Variants in L3MBTL3 observed in about 807,000 individuals in gnomAD.
The protein encoded by L3MBTL3 is lethal(3)malignant brain tumor-like protein 3.
Under a neutral mutation model 102.3 loss-of-function variants are expected in L3MBTL3, and 27 were observed. The ratio of observed to expected loss-of-function variants is 0.26; its 90% CI spans 0.19 to 0.36. L3MBTL3 has a LOEUF of 0.36. Ranked by LOEUF, L3MBTL3 falls within the 10% of genes least tolerant of loss-of-function variation. The pLI is 1.00. For synonymous variants in L3MBTL3, 340 were observed against 320.9 expected (o/e 1.06, Z -0.64); for missense variants, 798 against 955.3 (o/e 0.84, Z 2.17).
chr6:130,048,061 A>G (rs1488793916), intron 3 of L3MBTL3, among the ~76,000 whole-genome samples: 1 of 152,186 alleles, frequency 6.6e-6, no homozygotes, highest in Non-Finnish European at 1.5e-5. Flanking sequence ...TGCATAGAAC[A>G]TTGTTTAAGG....
intron 2 of L3MBTL3, among the ~76,000 whole-genome samples, chr6:130,032,748 C>T (rs1004681055): frequency 7.2e-5 from 11 of 152,134 alleles, no homozygotes; most frequent in Non-Finnish European, 1.5e-4. Flanking sequence ...CCCTGCACTT[C>T]GGGAGGCCAA....
intron 18 of L3MBTL3, among the ~76,000 whole-genome samples, chr6:130,096,243 CCATAAATTAGT>C (rs1267239274): frequency 3.9e-5 from 6 of 152,156 alleles, no homozygotes; most frequent in Non-Finnish European, 5.9e-5. Context: ...AGACACTACT[CCATAAATTAGT>C]CACAGACCCA....
At position 130,086,808 on chromosome 6, in the gene L3MBTL3, G is replaced by A. The variant is rs553269745; in HGVS notation, c.1518+558G>A. Among the ~76,000 whole-genome samples the A allele has an allele frequency of 2.6e-5, 4 of 152,230 alleles. No individual in the cohort carries two copies. In the South Asian group the frequency reaches 8.3e-4, roughly 32 times the overall value. On this transcript the variant is annotated intron_variant, in intron 16 of 22. Transcript: ENST00000361794. ...GGAGTTCAGGAAAGGAGCCAGAAGAGCTCGTCTCTGTTTCTTACTTCAGCA... is the reference window on the plus strand; with the variant it reads ...GGAGTTCAGGAAAGGAGCCAGAAGAACTCGTCTCTGTTTCTTACTTCAGCA...
chr6:130,085,991 G>C (rs1783659409), intron 15 of L3MBTL3, 149 bp from the exon 16 acceptor site: 1 of 554,894 alleles, frequency 1.8e-6, no homozygotes, highest in Non-Finnish European at 3.2e-6. Context: ...GGCCTCAAGT[G>C]ATCCGCCCGC....
Position 130,060,023 on chromosome 6 carries a change from T to C in L3MBTL3, c.760-13T>C. The C allele has an allele frequency of 6.5e-7, 1 of 1,536,400 alleles. No homozygotes were observed. The highest frequency in any genetic ancestry group is 9.0e-7 in the Non-Finnish European group (1 of 1,109,722). On this transcript the variant is annotated splice_polypyrimidine_tract_variant and intron_variant, in intron 9 of 22. Coordinates refer to ENST00000361794, the MANE Select transcript of L3MBTL3 (RefSeq NM_032438.4). ...GGATAAGGGACTAAAACTGCTCTCA[T>C]TTTGCATTTTAGCATCAATCCTTTC...
intron 1 of L3MBTL3, among the ~76,000 whole-genome samples, chr6:130,019,887 C>T (rs1294805380): frequency 7.2e-6 from 1 of 139,308 alleles, no homozygotes; most frequent in Admixed American, 7.0e-5. Flanking sequence ...GCGGGCCGGG[C>T]CGGGAGCCCG....
At chr6:130,046,098 A>AC (rs1296828930) in intron 3 of L3MBTL3, among the ~76,000 whole-genome samples, 1 of 152,194 alleles carries the variant, frequency 6.6e-6, no homozygotes, top group African/African-American at 2.4e-5. Context: ...CCCTACCTGA[A>AC]CTTCTAATGA....
chr6:130,100,063 A>G (rs1006690604), intron 18 of L3MBTL3, among the ~76,000 whole-genome samples: 4 of 152,236 alleles, frequency 2.6e-5, no homozygotes, highest in African/African-American at 9.6e-5. Flanking sequence ...GTTAAGAGAT[A>G]GCCACAGTTC....
chr6:130,049,155 A>G, intron 3 of L3MBTL3, 127 bp from the exon 4 acceptor site: 1 of 626,936 alleles, frequency 1.6e-6, no homozygotes, highest in Non-Finnish European at 2.8e-6. Flanking sequence ...GTATCAGGAT[A>G]TAATTGTCTA....
At chr6:130,084,319 G>A (rs1436871054) in intron 15 of L3MBTL3, among the ~76,000 whole-genome samples, 3 of 151,940 alleles carry the variant, frequency 2.0e-5, no homozygotes, top group Non-Finnish European at 4.4e-5. Context: ...TTATGATTTA[G>A]ATTTCTCATG....
intron 11 of L3MBTL3, among the ~76,000 whole-genome samples, chr6:130,068,059 A>G (rs1484411173): frequency 6.6e-6 from 1 of 152,206 alleles, no homozygotes; most frequent in Non-Finnish European, 1.5e-5. Context: ...AAATACCCTG[A>G]TAATAAGTGT....
chr6:130,069,689 A>T (rs1309811738), intron 12 of L3MBTL3, among the ~76,000 whole-genome samples: 1 of 152,178 alleles, frequency 6.6e-6, no homozygotes, highest in Non-Finnish European at 1.5e-5. Flanking sequence ...CAAGTTTCCT[A>T]ATCCCTGTCT....
Position 130,104,401 on chromosome 6 carries a change from T to C in L3MBTL3, c.1737-25T>C, listed in dbSNP as rs756440311. 4.7e-6 allele frequency: 7 copies of C among 1,488,378 alleles called. No homozygotes were observed. In the Admixed American group the frequency reaches 9.7e-5, roughly 21 times the overall value. The allele number at this position is 1,488,378 out of a possible 1,614,324, so 92.2% of individuals were successfully genotyped here. A position where few individuals can be genotyped will look rare whatever the true frequency, so the allele number is the denominator to read the frequency against. ...AATGGAAATGTTCAATGTTCTTTTT[T>C]TTTTCTTTTCTTTTAATCTGTTAGT... On this transcript the variant is annotated intron_variant, in intron 18 of 22. Transcript: ENST00000361794.
intron 18 of L3MBTL3, among the ~76,000 whole-genome samples, chr6:130,101,190 T>C (rs1784663803): frequency 6.6e-6 from 1 of 152,184 alleles, no homozygotes; most frequent in African/African-American, 2.4e-5. Context: ...TGAGGTTGGG[T>C]TAATAAATTT....
intron 13 of L3MBTL3, among the ~76,000 whole-genome samples, chr6:130,077,649 G>C (rs188708300): frequency 6.6e-6 from 1 of 152,274 alleles, no homozygotes; most frequent in East Asian, 1.9e-4. Context: ...ATATTTTGTA[G>C]AAAATTATTT....
chr6:130,070,454 T>C (rs1238204408), intron 12 of L3MBTL3, among the ~76,000 whole-genome samples: 1 of 152,218 alleles, frequency 6.6e-6, no homozygotes, highest in African/African-American at 2.4e-5. Flanking sequence ...TTGTAATAAT[T>C]TGCAGCCTTT....
At chr6:130,046,147 A>G (rs1780710809) in intron 3 of L3MBTL3, among the ~76,000 whole-genome samples, 1 of 152,094 alleles carries the variant, frequency 6.6e-6, no homozygotes, top group Non-Finnish European at 1.5e-5. Flanking sequence ...CTGGGTCATA[A>G]TGTCTTTCGG....
At chr6:130,106,255 A>C (rs1047656395) in intron 19 of L3MBTL3, among the ~76,000 whole-genome samples, 2 of 152,158 alleles carry the variant, frequency 1.3e-5, no homozygotes, top group Non-Finnish European at 2.9e-5. Flanking sequence ...TACTTGGCAT[A>C]CCATCTTTTG....
intron 22 of L3MBTL3, among the ~76,000 whole-genome samples, chr6:130,138,821 C>T (rs1787993802): frequency 6.6e-6 from 1 of 151,922 alleles, no homozygotes. Context: ...AAGACTGTTT[C>T]TTTGCTCTGC....
Sources: gnomAD v4.1 joint callset for allele counts (sites outside exome capture counted in the v4.1 genomes callset) on GRCh38, gnomAD v4.1.1 for gene constraint, MANE v1.5 for transcripts, NCBI Gene and HGNC (gene_info 2026-07-23, HGNC 2026-07-21) for gene names.